ADRA1B: variants seen among roughly 807,000 people sequenced by gnomAD.
ADRA1B encodes alpha-1B adrenergic receptor.
ADRA1B carries 17 observed loss-of-function variants against 17.9 expected under a neutral mutation model. That is an observed-to-expected ratio of 0.95 (90% CI 0.65 to 1.42). The LOEUF is 1.42. ADRA1B is among the 40% of genes most tolerant of loss of function. The pLI is 0.00. For missense variants in ADRA1B, 681 were observed against 722.1 expected, an observed-to-expected ratio of 0.94 and a Z score of 0.65; for synonymous variants, 366 against 327.6, an observed-to-expected ratio of 1.12 and a Z score of -1.27.
Position 159,972,315 on chromosome 5 carries a change from C to T in ADRA1B, c.1386C>T (p.Pro462=). ...ALLSLPAPEP[P]GRRGRHDSGP... ...TGAGCCTGCCCGCGCCTGAGCCCCC[C>T]GGCCGCCGCGGCCGCCACGACTCGG... Residue 462 remains proline (P), a synonymous_variant, in exon 2 of 2, where the codon CCC becomes CCT. Coordinates refer to ENST00000306675, the MANE Select transcript of ADRA1B (RefSeq NM_000679.4). 2.8e-6 allele frequency: 4 copies of T among 1,432,916 alleles called. No homozygotes were observed. The highest frequency in any genetic ancestry group is 3.6e-6 in the Non-Finnish European group (4 of 1,098,258). 88.8% of individuals were successfully genotyped at this position (1,432,916 alleles called of 1,614,324 possible). A position where few individuals can be genotyped will look rare whatever the true frequency, so the allele number is the denominator to read the frequency against.
intron 1 of ADRA1B, among the ~76,000 whole-genome samples, chr5:159,923,328 G>C (rs1754542965): frequency 6.6e-6 from 1 of 152,258 alleles, no homozygotes; most frequent in Non-Finnish European, 1.5e-5. Flanking sequence ...CCACTGTGTG[G>C]AGCATACACT....
chr5:159,911,631 A>G (rs1754228754), upstream of ADRA1B, among the ~76,000 whole-genome samples: 1 of 152,212 alleles, frequency 6.6e-6, no homozygotes, highest in African/African-American at 2.4e-5. Flanking sequence ...CCAGAGAGTG[A>G]CAAGTTGTAA....
rs1755889591 is a variant in ADRA1B at position 159,972,287 on chromosome 5, T to TCCTGAGCCTGCCCGCG, written c.1367_1382dup (p.Pro462AlafsTer4). ...CCCGAGTGGAAGGCGCCCGGCGCCC[T>TCCTGAGCCTGCCCGCG]CCTGAGCCTGCCCGCGCCTGAGCCC... On this transcript the variant is annotated frameshift_variant, in exon 2 of 2. Transcript: ENST00000306675. LOFTEE classifies it low-confidence loss of function (END_TRUNC). The TCCTGAGCCTGCCCGCG allele has an allele frequency of 1.4e-6, 2 of 1,406,942 alleles. No individual in the cohort carries two copies. The highest frequency in any genetic ancestry group is 1.8e-6 in the Non-Finnish European group (2 of 1,085,618). 87.2% of individuals were successfully genotyped at this position (1,406,942 alleles called of 1,614,324 possible).
chr5:159,885,512 G>T, intron 1 of ADRA1B, among the ~76,000 whole-genome samples: 1 of 152,208 alleles, frequency 6.6e-6, no homozygotes, highest in East Asian at 1.9e-4. Flanking sequence ...TCTCAGAAGA[G>T]ACATCATTCT....
intron 1 of ADRA1B, among the ~76,000 whole-genome samples, chr5:159,880,638 T>C (rs963940088): frequency 6.6e-6 from 1 of 152,322 alleles, no homozygotes; most frequent in East Asian, 1.9e-4. Context: ...CTTCAGACAG[T>C]GTCAAACTGC....
the ADRA1B span, among the ~76,000 whole-genome samples, chr5:159,987,046 G>A: frequency 6.6e-6 from 1 of 152,186 alleles, no homozygotes; most frequent in African/African-American, 2.4e-5. Flanking sequence ...TCATCGACCC[G>A]TCACTTCCCA....
chr5:159,946,006 C>G (rs746270774), intron 1 of ADRA1B, among the ~76,000 whole-genome samples: 1 of 152,308 alleles, frequency 6.6e-6, no homozygotes, highest in South Asian at 2.1e-4. Flanking sequence ...CTCGGCCTCC[C>G]AAAGTGCTGG....
At chr5:159,939,045 A>T (rs1257444131) in intron 1 of ADRA1B, among the ~76,000 whole-genome samples, 3 of 152,192 alleles carry the variant, frequency 2.0e-5, no homozygotes, top group African/African-American at 4.8e-5. Flanking sequence ...TGGAAATGCC[A>T]AGAATTTCAT....
At chr5:159,986,350 C>G in the ADRA1B span, among the ~76,000 whole-genome samples, 6 of 152,208 alleles carry the variant, frequency 3.9e-5, no homozygotes, top group African/African-American at 1.2e-4. Context: ...GCCTTGGCCT[C>G]CCAAAGCACT....
chr5:159,875,267 A>G (rs550746124), intron 1 of ADRA1B, among the ~76,000 whole-genome samples: 1 of 152,202 alleles, frequency 6.6e-6, no homozygotes, highest in African/African-American at 2.4e-5. Flanking sequence ...CAGATGTCCT[A>G]CCTTAATGTC....
chr5:159,955,140 G>A (rs1389951054), intron 1 of ADRA1B: 2 of 984,646 alleles, frequency 2.0e-6, no homozygotes, highest in African/African-American at 3.5e-5. Context: ...GACAAGAAAG[G>A]GCTCTGGTGA....
At chr5:159,904,685 C>T (rs1382583823) in intron 1 of ADRA1B, among the ~76,000 whole-genome samples, 2 of 152,188 alleles carry the variant, frequency 1.3e-5, no homozygotes, top group Admixed American at 1.3e-4. Context: ...ATTCATAGCA[C>T]TTGTGATCAT....
At chr5:159,969,790 T>C (rs939414696) in intron 1 of ADRA1B, among the ~76,000 whole-genome samples, 1 of 152,218 alleles carries the variant, frequency 6.6e-6, no homozygotes, top group Non-Finnish European at 1.5e-5. Context: ...AATTTGTATA[T>C]ACAAGAGGAA....
At chr5:159,881,578 A>T (rs1753864007) in intron 1 of ADRA1B, among the ~76,000 whole-genome samples, 1 of 152,090 alleles carries the variant, frequency 6.6e-6, no homozygotes, top group Non-Finnish European at 1.5e-5. Context: ...TCACTCCTAG[A>T]CCTATCAGCA....
chr5:159,899,506 A>G (rs571030132), intron 1 of ADRA1B, among the ~76,000 whole-genome samples: 1 of 152,308 alleles, frequency 6.6e-6, no homozygotes, highest in African/African-American at 2.4e-5. Context: ...AGTATTTATC[A>G]TCCTTGCTGA....
intron 1 of ADRA1B, among the ~76,000 whole-genome samples, chr5:159,884,339 G>A (rs1424685964): frequency 6.6e-6 from 1 of 152,144 alleles, no homozygotes; most frequent in Non-Finnish European, 1.5e-5. Flanking sequence ...GAGGTGATTA[G>A]GTCATGTGGG....
chr5:159,972,451 G>A lies in ADRA1B; in HGVS notation c.1522G>A (p.Gly508Ser), dbSNP rs1392533223. Reference protein sequence around the residue: ...AAADVANGQPGFKSNMPLAPG... With the variant: ...AAADVANGQPSFKSNMPLAPG... Reference sequence around the variant, plus strand: ...GGCCGACGTGGCCAACGGGCAGCCGGGCTTCAAAAGCAACATGCCCCTGGC... The same window carrying A: ...GGCCGACGTGGCCAACGGGCAGCCGAGCTTCAAAAGCAACATGCCCCTGGC... Residue 508 changes from glycine to serine, a missense_variant, in exon 2 of 2, where the codon GGC (glycine) becomes AGC (serine). Physicochemically the swap from Gly to Ser is moderately conservative, Grantham distance 56. Coordinates refer to ENST00000306675, the MANE Select transcript of ADRA1B (RefSeq NM_000679.4). 4.0e-6 allele frequency: 6 copies of A among 1,489,224 alleles called. No homozygotes were observed. Among genetic ancestry groups the A allele is most frequent in the Non-Finnish European group, 4.5e-6 (5 of 1,123,398 alleles). The allele number at this position is 1,489,224 out of a possible 1,614,324, so 92.3% of individuals were successfully genotyped here.
chr5:159,957,788 T>A (rs1002488626), intron 1 of ADRA1B, among the ~76,000 whole-genome samples: 3 of 151,530 alleles, frequency 2.0e-5, no homozygotes, highest in Non-Finnish European at 4.4e-5. Flanking sequence ...ATACAAAAAA[T>A]TAGCTGGGCA....
At position 159,971,923 on chromosome 5, in the gene ADRA1B, G is replaced by C. The variant is rs527365627; in HGVS notation, c.994G>C (p.Val332Leu). 169 of 1,393,930 alleles carry C rather than the reference G, an allele frequency of 1.2e-4. No homozygotes were observed. The South Asian group carries it at 3.3e-3, about 27-fold the overall frequency. 86.3% of individuals were successfully genotyped at this position (1,393,930 alleles called of 1,614,324 possible). The change falls in exon 2 of 2, where the codon GTG (valine) becomes CTG (leucine). Residue 332 changes from valine to leucine, a missense_variant. This residue lies in a region of ADRA1B where 424 missense variants were observed against 480.2 expected (regional missense o/e 0.88). Coordinates refer to ENST00000306675, the MANE Select transcript of ADRA1B (RefSeq NM_000679.4). ...GAAGCCCCCCGACGCCGTGTTCAAG[G>C]TGGTGTTCTGGCTGGGCTACTTCAA... ...TLKPPDAVFK[V>L]VFWLGYFNSC...
Sources: gnomAD v4.1 joint callset for allele counts (sites outside exome capture counted in the v4.1 genomes callset) on GRCh38, gnomAD v4.1.1 for gene constraint, gnomAD v4.1.1 regional missense constraint, MANE v1.5 for transcripts, NCBI Gene and HGNC (gene_info 2026-07-23, HGNC 2026-07-21) for gene names.